Variants in DOT1L observed in about 807,000 individuals in gnomAD.
DOT1L encodes the protein DOT1 like histone lysine methyltransferase, also known as histone-lysine N-methyltransferase, H3 lysine-79 specific.
DOT1L carries 33 observed loss-of-function variants against 153.3 expected under a neutral mutation model. The observed-to-expected ratio is 0.22, with a 90% CI of 0.16 to 0.29. DOT1L has a LOEUF of 0.29. DOT1L is among the 10% of genes least tolerant of loss of function. The pLI is 1.00. For missense variants in DOT1L, 1,847 were observed against 2,119.9 expected (o/e 0.87, Z 2.53); for synonymous variants, 1,135 against 965.1 (o/e 1.18, Z -3.26).
At position 2,230,050 on chromosome 19, in the gene DOT1L, T is replaced by C. The variant is rs561514393; in HGVS notation, c.*258T>C. ...TCTGACTTATTTTATTCCATCTAAG[T>C]GGTAAAAGGCAACTTATTGAGAAAT... On this transcript the variant is annotated 3_prime_UTR_variant, in exon 28 of 28. Transcript: ENST00000398665. 3 of 617,256 alleles carry C rather than the reference T, an allele frequency of 4.9e-6. No homozygotes were observed. The highest frequency in any genetic ancestry group is 2.8e-5 in the East Asian group (1 of 35,104). 38.2% of individuals were successfully genotyped at this position (617,256 alleles called of 1,614,324 possible).
At chr19:2,229,406 G>A in intron 27 of DOT1L, 1 of 985,492 alleles carries the variant, frequency 1.0e-6, no homozygotes, top group Non-Finnish European at 1.2e-6. Flanking sequence ...CTGGGAGCCA[G>A]GAGCCAAGGC....
At chr19:2,209,569 C>G (rs1447066266) in intron 12 of DOT1L, among the ~76,000 whole-genome samples, 1 of 152,222 alleles carries the variant, frequency 6.6e-6, no homozygotes, top group African/African-American at 2.4e-5. Flanking sequence ...GGAGGCAGGG[C>G]TGTCCCCTCC....
intron 2 of DOT1L, among the ~76,000 whole-genome samples, chr19:2,184,443 T>A (rs2022397757): frequency 6.6e-6 from 1 of 150,856 alleles, no homozygotes; most frequent in African/African-American, 2.4e-5. Flanking sequence ...GGTTGGGGAG[T>A]CTGGGGACTT....
rs564833063 is a variant in DOT1L, at chr19:2,222,903, A to C, written c.3390+344A>C. ...GGGACAAAAAAAAACACAAAAAAAAACAGGTGGAGGCAGGGGGCCATGACT... is the reference window on the plus strand; with the variant it reads ...GGGACAAAAAAAAACACAAAAAAAACCAGGTGGAGGCAGGGGGCCATGACT... On this transcript the variant is annotated intron_variant, in intron 24 of 27. Transcript: ENST00000398665. This position sits in a 1 kb window ranked among gnomAD's most constrained non-coding sequence, Gnocchi z 6.5. The C allele has an allele frequency of 8.2e-4, 314 of 382,324 alleles. 1 individual carries two copies. The highest frequency in any genetic ancestry group is 6.2e-3 in the African/African-American group (300 of 48,074). The allele number at this position is 382,324 out of a possible 1,614,324, so 23.7% of individuals were successfully genotyped here. A position where few individuals can be genotyped will look rare whatever the true frequency, so the allele number is the denominator to read the frequency against.
intron 12 of DOT1L, among the ~76,000 whole-genome samples, chr19:2,209,695 G>A (rs1057326830): frequency 6.6e-5 from 10 of 152,386 alleles, no homozygotes; most frequent in Middle Eastern, 3.4e-3. Flanking sequence ...CCAAAGCTGA[G>A]AGGATGTTTG....
intron 3 of DOT1L, among the ~76,000 whole-genome samples, chr19:2,187,869 C>T (rs1446875429): frequency 6.7e-6 from 1 of 148,620 alleles, no homozygotes; most frequent in Non-Finnish European, 1.5e-5. Flanking sequence ...TTGCAGTGAG[C>T]TGAGATCGCG....
At position 2,172,908 on chromosome 19, in the gene DOT1L, C is replaced by T. The variant is rs2021720261; in HGVS notation, c.82-7805C>T. The stretch of plus-strand genomic sequence containing the variant: ...GTGAGAATGGCATGAACCCAGGAGG[C>T]GGAGCTTGCAGTGAGCTGAGATCGT... On this transcript the variant is annotated intron_variant, in intron 1 of 27. Coordinates refer to ENST00000398665, the MANE Select transcript of DOT1L (RefSeq NM_032482.3). 3.3e-5 allele frequency among the ~76,000 whole-genome samples: 5 copies of T among 151,124 alleles called. No individual in the cohort carries two copies. In the Admixed American group the frequency reaches 3.3e-4, roughly 10 times the overall value.
rs371031960 is a variant in DOT1L at position 2,226,643 on chromosome 19, C to T, written c.4122C>T (p.Asp1374=). The T allele has an allele frequency of 2.2e-5, 35 of 1,587,330 alleles. No homozygotes were observed. The highest frequency in any genetic ancestry group is 1.6e-4 in the East Asian group (7 of 44,066). Residue 1374 remains aspartate (D), a synonymous_variant, in exon 27 of 28, where the codon GAC becomes GAT. Coordinates refer to ENST00000398665, the MANE Select transcript of DOT1L (RefSeq NM_032482.3). ...CTTTCCTGAGCAAGAGGCAGCTGGA[C>T]GGCCTGGCTGGGCTGAAGGGCGAGG... The part of the protein sequence containing the change: ...ANPFLSKRQL[D]GLAGLKGEGS...
chr19:2,213,529 T>G lies in DOT1L; in HGVS notation c.1558-10T>G. On this transcript the variant is annotated splice_polypyrimidine_tract_variant and intron_variant, in intron 16 of 27. Coordinates refer to ENST00000398665, the MANE Select transcript of DOT1L (RefSeq NM_032482.3). ...CTGGCCCTTAGTCACCTGCCCTGTT[T>G]GTCCTACAGGAGAAGAACGCCCAGC... 1.9e-6 allele frequency: 3 copies of G among 1,611,880 alleles called. No individual in the cohort carries two copies. The highest frequency in any genetic ancestry group is 2.5e-6 in the Non-Finnish European group (3 of 1,179,666).
rs185741511 is a variant in DOT1L at position 2,222,714 on chromosome 19, C to T, written c.3390+155C>T. ...AGGACATCAAGACCATCCTGGCTAA[C>T]ACGGTGAAACCCCGTCTCTACCAAA... On this transcript the variant is annotated intron_variant, in intron 24 of 27. Transcript: ENST00000398665. The surrounding 1 kb of genome is among the most constrained non-coding windows in gnomAD (Gnocchi z 6.5). 3,163 of 728,138 alleles carry T rather than the reference C, an allele frequency of 4.3e-3. 19 individuals are homozygous for T. The highest frequency in any genetic ancestry group is 5.6e-3 in the Non-Finnish European group (2,571 of 462,804). The allele number at this position is 728,138 out of a possible 1,614,324, so 45.1% of individuals were successfully genotyped here.
rs1043501717 is a variant in DOT1L at position 2,229,619 on chromosome 19, C to T, written c.4607-166C>T. On this transcript the variant is annotated intron_variant, in intron 27 of 27. Coordinates refer to ENST00000398665, the MANE Select transcript of DOT1L (RefSeq NM_032482.3). ...TCCCTGGTCTGTCACGGGGCACGCC[C>T]GTCGTCTGTTGTGGTTAGAGGAGCT... is the stretch of plus-strand genomic sequence containing the variant. 23 of 985,236 alleles carry T rather than the reference C, an allele frequency of 2.3e-5. No individual in the cohort carries two copies. The Admixed American group carries it at 2.5e-4, about 11-fold the overall frequency. The allele number at this position is 985,236 out of a possible 1,614,324, so 61.0% of individuals were successfully genotyped here. A position where few individuals can be genotyped will look rare whatever the true frequency, so the allele number is the denominator to read the frequency against.
At chr19:2,173,342 C>T (rs1486142003) in intron 1 of DOT1L, among the ~76,000 whole-genome samples, 1 of 152,192 alleles carries the variant, frequency 6.6e-6, no homozygotes, top group Non-Finnish European at 1.5e-5. Flanking sequence ...CGCGTCCAGC[C>T]TCCCTCCTGT....
Position 2,223,290 on chromosome 19 carries a change from A to C in DOT1L, c.3400A>C (p.Ile1134Leu). 1 of 1,613,398 alleles carries C rather than the reference A, an allele frequency of 6.2e-7. No individual in the cohort carries two copies. The highest frequency in any genetic ancestry group is 1.6e-4 in the Middle Eastern group (1 of 6,062). The change falls in exon 25 of 28, where the codon ATC becomes CTC. Residue 1134 changes from isoleucine (I) to leucine (L), a missense_variant. Coordinates refer to ENST00000398665, the MANE Select transcript of DOT1L (RefSeq NM_032482.3). Reference protein sequence around the residue: ...PLNLNSMVSNINQPLEITAIS... With the variant: ...PLNLNSMVSNLNQPLEITAIS... ...GTCTGTCTGCCCTCAGGTCAGTAAC[A>C]TCAACCAGCCCCTGGAGATTACAGC...
chr19:2,229,901 A>T lies in DOT1L; in HGVS notation c.*109A>T. 1 of 1,599,438 alleles carries T rather than the reference A, an allele frequency of 6.3e-7. No individual in the cohort carries two copies. The highest frequency in any genetic ancestry group is 8.5e-7 in the Non-Finnish European group (1 of 1,171,946). On this transcript the variant is annotated 3_prime_UTR_variant, in exon 28 of 28. Coordinates refer to ENST00000398665, the MANE Select transcript of DOT1L (RefSeq NM_032482.3). ...GCTCCCACCCCTGGACGGCAGAGGCAAGGACGGACGGGAGCTCCACTGTGA... is the reference window on the plus strand; with the variant it reads ...GCTCCCACCCCTGGACGGCAGAGGCTAGGACGGACGGGAGCTCCACTGTGA...
intron 27 of DOT1L, chr19:2,229,235 C>T (rs2024497139): frequency 1.0e-6 from 1 of 985,320 alleles, no homozygotes; most frequent in Admixed American, 6.1e-5. Flanking sequence ...GGCCGCTGAC[C>T]CCTGAGGGCA....
rs745512015 is a variant in DOT1L, at chr19:2,222,202, G to C, written c.3033G>C (p.Arg1011=). The C allele has an allele frequency of 3.7e-6, 6 of 1,612,970 alleles. No homozygotes were observed. The South Asian group carries it at 6.6e-5, about 18-fold the overall frequency. ...CCCACCAGCTCTCCTCCAGTCCCCG[G>C]CTTGGTGGGGCCGCCCAGGGCCCGT... ...SPAHQLSSSP[R]LGGAAQGPLP... Residue 1011 remains arginine, a synonymous_variant, in exon 24 of 28, where the codon CGG becomes CGC. Transcript: ENST00000398665. The surrounding 1 kb of genome is among the most constrained non-coding windows in gnomAD (Gnocchi z 6.5).
Position 2,191,368 on chromosome 19 carries a change from C to T in DOT1L, c.493+128C>T. ...GTTGGCGTGGACAGTGCTTCCTTCT[C>T]CCAGCGCCTCTGTCCCGCTGTGGGG... On this transcript the variant is annotated intron_variant, in intron 5 of 27. Transcript: ENST00000398665. The surrounding 1 kb of genome is among the most constrained non-coding windows in gnomAD (Gnocchi z 6.8). 2 of 943,692 alleles carry T rather than the reference C, an allele frequency of 2.1e-6. No homozygotes were observed. Among genetic ancestry groups the T allele is most frequent in the East Asian group, 5.0e-5 (2 of 39,760 alleles). 58.5% of individuals were successfully genotyped at this position (943,692 alleles called of 1,614,324 possible).
chr19:2,225,266 T>C lies in DOT1L; in HGVS notation c.3597-122T>C, dbSNP rs1003724754. 10 of 961,980 alleles carry C rather than the reference T, an allele frequency of 1.0e-5. No individual in the cohort carries two copies. The Admixed American group carries it at 1.9e-4, about 18-fold the overall frequency. The allele number at this position is 961,980 out of a possible 1,614,324, so 59.6% of individuals were successfully genotyped here. A position where few individuals can be genotyped will look rare whatever the true frequency, so the allele number is the denominator to read the frequency against. On this transcript the variant is annotated intron_variant, in intron 25 of 27. Transcript: ENST00000398665. ...CCAGGGTGGCTGCACGGGTCCCCTG[T>C]CTGGGCCGAGTGCTTCTCGTTCACC... is the stretch of plus-strand genomic sequence containing the variant.
In DOT1L at chr19:2,217,049, C is replaced by T; in HGVS notation, c.2503C>T (p.Pro835Ser). 3.1e-6 allele frequency: 5 copies of T among 1,611,390 alleles called. No individual in the cohort carries two copies. Among genetic ancestry groups the T allele is most frequent in the Non-Finnish European group, 4.2e-6 (5 of 1,178,772 alleles). Residue 835 changes from proline to serine, a missense_variant, in exon 21 of 28, where the codon CCT becomes TCT. Physicochemically the swap from Pro to Ser is moderately conservative, Grantham distance 74. Coordinates refer to ENST00000398665, the MANE Select transcript of DOT1L (RefSeq NM_032482.3). This position sits in a 1 kb window ranked among gnomAD's most constrained non-coding sequence, Gnocchi z 7.3. ...CCCTCAGGACCCGCGGCCCCTGTCC[C>T]CTGGGGCCTTGCAGCTTGCTGGAGA... ...LSPQDPRPLS[P>S]GALQLAGEKS...
Sources: allele counts gnomAD v4.1 joint callset (sites outside exome capture counted in the v4.1 genomes callset), GRCh38; gene constraint gnomAD v4.1.1; non-coding constraint Gnocchi (gnomAD v3.1); transcripts MANE v1.5; gene names NCBI Gene and HGNC (gene_info 2026-07-23, HGNC 2026-07-21).